The following STK32C variants were observed in gnomAD, a reference collection of about 807,000 sequenced individuals.
STK32C encodes serine/threonine-protein kinase 32C.
Under a neutral mutation model 56.5 loss-of-function variants are expected in STK32C, and 31 were observed. The observed-to-expected ratio is 0.55, with a 90% CI of 0.41 to 0.74. The LOEUF is 0.74. Among genes scored for constraint, STK32C ranks in the 30% least tolerant of loss-of-function variants. The pLI, the probability that STK32C is intolerant of heterozygous loss-of-function variation, is 0.00. For missense variants in STK32C, 544 were observed against 676.9 expected (o/e 0.80, Z 2.18); for synonymous variants, 309 against 289.4 (o/e 1.07, Z -0.69).
intron 2 of STK32C, among the ~76,000 whole-genome samples, chr10:132,231,690 C>G (rs2063105604): frequency 6.6e-6 from 1 of 152,194 alleles, no homozygotes; most frequent in Non-Finnish European, 1.5e-5. Context: ...GGGATGGGCC[C>G]TAAAGCCAAT....
chr10:132,231,514 G>T (rs1182023449), intron 2 of STK32C, among the ~76,000 whole-genome samples: 2 of 152,226 alleles, frequency 1.3e-5, no homozygotes, highest in Admixed American at 6.5e-5. Context: ...AGGGTGAGTG[G>T]CCATGGTGCC....
intron 10 of STK32C, among the ~76,000 whole-genome samples, chr10:132,212,235 C>T (rs2062327699): frequency 2.0e-5 from 3 of 152,164 alleles, no homozygotes; most frequent in Admixed American, 1.3e-4. Flanking sequence ...ATGGTGCAGT[C>T]CCGGCGCAGG....
chr10:132,319,744 T>C (rs762784930), downstream of STK32C, among the ~76,000 whole-genome samples: 24 of 152,304 alleles, frequency 1.6e-4, no homozygotes, highest in Non-Finnish European at 2.6e-4. Flanking sequence ...GTGGGGATGG[T>C]ATAAATTTAC....
At chr10:132,210,026 G>A (rs916820468) in intron 10 of STK32C, among the ~76,000 whole-genome samples, 5 of 152,122 alleles carry the variant, frequency 3.3e-5, no homozygotes, top group South Asian at 4.1e-4. Flanking sequence ...ACACCAGAAC[G>A]CTCAACCCTA....
chr10:132,221,137 C>T (rs140482255), intron 10 of STK32C, among the ~76,000 whole-genome samples: 117 of 152,328 alleles, frequency 7.7e-4, no homozygotes, highest in African/African-American at 2.6e-3. Flanking sequence ...TTCACGTGGC[C>T]GTCCCCGCAC....
chr10:132,209,195 T>G lies in STK32C; in HGVS notation c.1252-94A>C, dbSNP rs2062209833. ...AGTGTCTGGGCATCCCCATCGGGCC[T>G]CCACCTGTGGCTTTGGATGACGGCC... On this transcript the variant is annotated intron_variant, in intron 10 of 11. Coordinates refer to ENST00000298630, the MANE Select transcript of STK32C (RefSeq NM_173575.4). 7 of 1,199,138 alleles carry G rather than the reference T, an allele frequency of 5.8e-6. No individual in the cohort carries two copies. In the South Asian group the frequency reaches 7.6e-5, roughly 13 times the overall value. 74.3% of individuals were successfully genotyped at this position (1,199,138 alleles called of 1,614,324 possible).
chr10:132,222,590 G>C, intron 10 of STK32C, 51 bp downstream of exon 10: 1 of 1,596,450 alleles, frequency 6.3e-7, no homozygotes. Flanking sequence ...TGGTAGAGAG[G>C]AGCCCCAAGC....
intron 8 of STK32C, 136 bp from the exon 9 acceptor site, chr10:132,223,122 C>T (rs117298926): frequency 0.024 from 29,610 of 1,215,102 alleles, 408 homozygotes; most frequent in Non-Finnish European, 0.029. Flanking sequence ...CTCAGGGCCA[C>T]GCGAGGAAGG....
intron 1 of STK32C, among the ~76,000 whole-genome samples, chr10:132,267,855 A>G (rs1174226463): frequency 7.5e-6 from 1 of 133,254 alleles, no homozygotes; most frequent in Non-Finnish European, 1.6e-5. Flanking sequence ...ATGTGTATGC[A>G]GGTTCAGCTC....
At chr10:132,330,095 T>C (rs183954565) in intron 1 of STK32C, among the ~76,000 whole-genome samples, 2 of 152,276 alleles carry the variant, frequency 1.3e-5, no homozygotes, top group Admixed American at 6.5e-5. Context: ...CGTTCCTACG[T>C]TGGGAGGCTC....
intron 2 of STK32C, among the ~76,000 whole-genome samples, chr10:132,238,796 T>G (rs555694228): frequency 6.6e-6 from 1 of 151,760 alleles, no homozygotes; most frequent in Non-Finnish European, 1.5e-5. Context: ...CACACACACA[T>G]ACCACATACA....
At chr10:132,267,631 CTG>C (rs1284392534) in intron 1 of STK32C, among the ~76,000 whole-genome samples, 1 of 111,786 alleles carries the variant, frequency 8.9e-6, no homozygotes, top group East Asian at 2.3e-4. Context: ...CTATGCCTGT[CTG>C]TGTGCATGCA....
chr10:132,268,627 T>TTGTG (rs766969809), intron 1 of STK32C, among the ~76,000 whole-genome samples: 6 of 117,404 alleles, frequency 5.1e-5, no homozygotes, highest in Non-Finnish European at 5.2e-5. Context: ...ATGTCCCACA[T>TTGTG]TGTGTGTGTG....
At chr10:132,215,704 A>C (rs545939062) in intron 10 of STK32C, among the ~76,000 whole-genome samples, 29 of 152,288 alleles carry the variant, frequency 1.9e-4, no homozygotes, top group Non-Finnish European at 3.2e-4. Flanking sequence ...GGTACCAGTA[A>C]AGTAGGGCGC....
intron 1 of STK32C, among the ~76,000 whole-genome samples, chr10:132,277,394 C>T (rs527328674): frequency 6.6e-6 from 1 of 152,354 alleles, no homozygotes; most frequent in Non-Finnish European, 1.5e-5. Flanking sequence ...GGGACCACAC[C>T]AGGGCCCTGA....
chr10:132,218,319 T>TA lies in STK32C; in HGVS notation c.1251+4321dup, dbSNP rs201373824. Reference sequence around the variant, plus strand: ...TGGTAATAAAGCAAGACCCTGTCTCTAAAAAAAAATAAAGTAAAATAAATA... The same window carrying TA: ...TGGTAATAAAGCAAGACCCTGTCTCTAAAAAAAAAATAAAGTAAAATAAATA... On this transcript the variant is annotated intron_variant, in intron 10 of 11. Transcript: ENST00000298630. Among the ~76,000 whole-genome samples, 36 of 150,242 alleles carry TA rather than the reference T, an allele frequency of 2.4e-4. No individual in the cohort carries two copies. The East Asian group carries it at 2.5e-3, about 11-fold the overall frequency.
chr10:132,271,027 G>A (rs2064801554), intron 1 of STK32C, among the ~76,000 whole-genome samples: 2 of 152,132 alleles, frequency 1.3e-5, no homozygotes, highest in Non-Finnish European at 2.9e-5. Context: ...AGACCAAGGG[G>A]GTTCTGAACC....
intron 1 of STK32C, among the ~76,000 whole-genome samples, chr10:132,249,507 C>G (rs533986595): frequency 4.0e-4 from 61 of 152,214 alleles, no homozygotes; most frequent in South Asian, 1.7e-3. Flanking sequence ...TGAGAAGCCC[C>G]GAGCCAAGTG....
intron 1 of STK32C, among the ~76,000 whole-genome samples, chr10:132,254,173 G>T (rs2064020326): frequency 6.6e-6 from 1 of 152,074 alleles, no homozygotes; most frequent in Non-Finnish European, 1.5e-5. Flanking sequence ...GCCAGGCATA[G>T]TGGCGGGCGC....
Sources: allele counts gnomAD v4.1 joint callset (sites outside exome capture counted in the v4.1 genomes callset), GRCh38; gene constraint gnomAD v4.1.1; transcripts MANE v1.5; gene names NCBI Gene and HGNC (gene_info 2026-07-23, HGNC 2026-07-21).